SPACDR: variants seen among roughly 807,000 people sequenced by gnomAD.
SPACDR encodes sperm acrosome developmental regulator, also known as uncharacterized protein C7orf61.
At chr7:100,457,060 G>T in the SPACDR span, 6 of 1,042,214 alleles carry the variant, frequency 5.8e-6, no homozygotes, top group Admixed American at 1.4e-4. Flanking sequence ...ACGACCCATA[G>T]ATAAACAGCA....
At chr7:100,462,448 C>T in the SPACDR span, among the ~76,000 whole-genome samples, 2 of 151,786 alleles carry the variant, frequency 1.3e-5, no homozygotes, top group Non-Finnish European at 1.5e-5. Flanking sequence ...CTCCTGACCT[C>T]GTGATCAGCC....
At chr7:100,461,819 C>T in the SPACDR span, among the ~76,000 whole-genome samples, 3 of 151,710 alleles carry the variant, frequency 2.0e-5, no homozygotes, top group Non-Finnish European at 2.9e-5. Context: ...GAAACCCTGC[C>T]TCTACTAAAA....
the SPACDR span, among the ~76,000 whole-genome samples, chr7:100,461,988 A>C: frequency 2.0e-5 from 2 of 98,820 alleles, no homozygotes. Flanking sequence ...CTCCGTCTCA[A>C]AAAAAAAAAA....
chr7:100,458,115 A>C, the SPACDR span, among the ~76,000 whole-genome samples: 2 of 151,332 alleles, frequency 1.3e-5, no homozygotes, highest in Non-Finnish European at 2.9e-5. Flanking sequence ...AATCTATACT[A>C]TTATATCATA....
the SPACDR span, among the ~76,000 whole-genome samples, chr7:100,457,862 T>C: frequency 9.1e-6 from 1 of 109,712 alleles, no homozygotes; most frequent in Non-Finnish European, 2.2e-5. Flanking sequence ...TATATATTTT[T>C]TTTTTTTTTT....
At chr7:100,463,338 G>C in the SPACDR span, 2 of 1,531,660 alleles carry the variant, frequency 1.3e-6, no homozygotes, top group Non-Finnish European at 1.8e-6. Context: ...GGGAAAGAGG[G>C]AGGGGGTGTT....
chr7:100,457,849 ATATATATAT>A, the SPACDR span, among the ~76,000 whole-genome samples: 13 of 20,020 alleles, frequency 6.5e-4, no homozygotes, highest in African/African-American at 2.3e-3. Context: ...GTGTATATAT[ATATATATAT>A]TTTTTTTTTT....
chr7:100,457,799 ATATATGTG>A, the SPACDR span, among the ~76,000 whole-genome samples: 5 of 45,790 alleles, frequency 1.1e-4, no homozygotes, highest in African/African-American at 2.7e-4. Flanking sequence ...TTTTATATAT[ATATATGTG>A]TGTGTGTGTG....
chr7:100,461,035 C>G, the SPACDR span, among the ~76,000 whole-genome samples: 2 of 152,124 alleles, frequency 1.3e-5, no homozygotes, highest in Non-Finnish European at 2.9e-5. Flanking sequence ...GCTTCAGGAT[C>G]GTTCCACTCC....
chr7:100,463,292 A>G, the SPACDR span: 17 of 1,274,012 alleles, frequency 1.3e-5, no homozygotes, highest in South Asian at 2.0e-4. Context: ...ATTGTTGAAC[A>G]AGTAATCAGA....
At chr7:100,464,092 T>TGGGGGGGGGGGGGG in the SPACDR span, 3 of 127,752 alleles carry the variant, frequency 2.3e-5, no homozygotes, top group Admixed American at 2.0e-4. Flanking sequence ...GGGTGGCGGG[T>TGGGGGGGGGGGGGG]GGGGGATGGG....
At chr7:100,460,810 T>G in the SPACDR span, among the ~76,000 whole-genome samples, 2 of 151,846 alleles carry the variant, frequency 1.3e-5, no homozygotes, top group African/African-American at 4.8e-5. Flanking sequence ...CTGGCTAATT[T>G]TTTTACTTTT....
At chr7:100,463,126 G>GGAAGAA in the SPACDR span, among the ~76,000 whole-genome samples, 1 of 150,464 alleles carries the variant, frequency 6.6e-6, no homozygotes, top group South Asian at 2.1e-4. Context: ...AAAAAAGAAA[G>GGAAGAA]GAAGAAAAAG....
chr7:100,461,339 C>T, the SPACDR span, among the ~76,000 whole-genome samples: 5 of 152,050 alleles, frequency 3.3e-5, no homozygotes, highest in Non-Finnish European at 7.4e-5. Flanking sequence ...CTCAGTGGCA[C>T]GATCTCGGCT....
At chr7:100,460,541 G>A in the SPACDR span, among the ~76,000 whole-genome samples, 6 of 151,208 alleles carry the variant, frequency 4.0e-5, no homozygotes, top group East Asian at 1.2e-3. Context: ...CAGTGAACAA[G>A]ATCATGCCAC....
the SPACDR span, chr7:100,464,086 G>A: frequency 6.6e-7 from 1 of 1,514,336 alleles, no homozygotes. Flanking sequence ...CGGTGGGGGT[G>A]GCGGGTGGGG....
the SPACDR span, among the ~76,000 whole-genome samples, chr7:100,460,306 T>G: frequency 6.7e-6 from 1 of 149,886 alleles, no homozygotes; most frequent in Non-Finnish European, 1.5e-5. Context: ...ATAACCACTC[T>G]TGGCCAGGCG....
the SPACDR span, among the ~76,000 whole-genome samples, chr7:100,459,130 A>C: frequency 6.8e-6 from 1 of 147,024 alleles, no homozygotes; most frequent in South Asian, 2.1e-4. Flanking sequence ...CAGCCTCCCG[A>C]GTAGCTGGTA....
At chr7:100,463,439 G>A in the SPACDR span, 5 of 1,613,532 alleles carry the variant, frequency 3.1e-6, no homozygotes, top group East Asian at 2.2e-5. Context: ...GGCCGTCCTC[G>A]GCAGCTGCAG....
Sources: gnomAD v4.1 joint callset for allele counts (sites outside exome capture counted in the v4.1 genomes callset) on GRCh38, gnomAD v4.1.1 for gene constraint, MANE v1.5 for transcripts, NCBI Gene and HGNC (gene_info 2026-07-23, HGNC 2026-07-21) for gene names.